Variants in RYR3 observed in about 807,000 individuals in gnomAD.
RYR3 encodes brain ryanodine receptor-calcium release channel.
RYR3 carries 207 observed loss-of-function variants against 584.3 expected under a neutral mutation model. That is an observed-to-expected ratio of 0.35 (90% CI 0.32 to 0.40). The LOEUF (loss-of-function observed/expected upper bound fraction) is 0.40. RYR3 is among the 10% of genes least tolerant of loss of function. The pLI, the probability that RYR3 is intolerant of heterozygous loss-of-function variation, is 1.00. For synonymous variants in RYR3, 2,416 were observed against 2,248.5 expected (o/e 1.07, Z -2.11); for missense variants, 5,616 against 6,089.2 (o/e 0.92, Z 2.59).
chr15:33,571,892 T>G (rs975956943), intron 12 of RYR3, among the ~76,000 whole-genome samples: 3 of 152,132 alleles, frequency 2.0e-5, no homozygotes, highest in African/African-American at 7.2e-5. Context: ...CCTTACTACC[T>G]TTTTTTGTGT....
intron 3 of RYR3, among the ~76,000 whole-genome samples, chr15:33,505,648 T>C (rs989921908): frequency 2.6e-5 from 4 of 152,108 alleles, no homozygotes; most frequent in Non-Finnish European, 5.9e-5. Context: ...CCCGCCACCA[T>C]GCCCGGCTAA....
Position 33,314,930 on chromosome 15 carries a change from A to AAC in RYR3, c.51+3835_51+3836insCA, listed in dbSNP as rs199898593. 2.5e-3 allele frequency among the ~76,000 whole-genome samples: 199 copies of AAC among 78,652 alleles called. 2 individuals carry two copies. Among genetic ancestry groups the AAC allele is most frequent in the African/African-American group, 0.01 (196 of 19,474 alleles). 51.6% of individuals were successfully genotyped at this position (78,652 alleles called of 152,430 possible). On this transcript the variant is annotated intron_variant, in intron 1 of 103. Coordinates refer to ENST00000634891, the MANE Select transcript of RYR3 (RefSeq NM_001036.6). Reference sequence around the variant, plus strand: ...CTCAGTCTCAAAGAAAACAAACAACAAAAAAAAAAACCAAAAAAAAACAAC... The same window carrying AAC: ...CTCAGTCTCAAAGAAAACAAACAACAACAAAAAAAAAACCAAAAAAAAACAAC...
At chr15:33,503,568 T>C (rs1030222580) in intron 2 of RYR3, 63 bp from the exon 3 acceptor site, 4 of 949,434 alleles carry the variant, frequency 4.2e-6, no homozygotes, top group Middle Eastern at 2.1e-4. Context: ...CTTGAGATGT[T>C]GTTGCGTGAC....
intron 31 of RYR3, among the ~76,000 whole-genome samples, chr15:33,652,327 T>C (rs1031952522): frequency 6.6e-6 from 1 of 152,164 alleles, no homozygotes; most frequent in Admixed American, 6.5e-5. Flanking sequence ...TTTTTCTGCC[T>C]CTTATTCCAA....
chr15:33,530,220 C>T (rs181792278), intron 3 of RYR3, among the ~76,000 whole-genome samples: 56 of 152,336 alleles, frequency 3.7e-4, no homozygotes, highest in African/African-American at 1.0e-3. Flanking sequence ...TGTTGCTAGG[C>T]TATGGCTACA....
Position 33,821,335 on chromosome 15 carries a change from A to G in RYR3, c.10881A>G (p.Ala3627=), listed in dbSNP as rs2288614. The change falls in exon 79 of 104, where the codon GCA becomes GCG. Residue 3627 remains alanine, a synonymous_variant. Coordinates refer to ENST00000634891, the MANE Select transcript of RYR3 (RefSeq NM_001036.6). ...CTCGGCTGCATGAGCGTGGTGCTGC[A>G]GAGATGGTCCTTCAGATGATAAGCG... ...QQARLHERGA[A]EMVLQMISAS... The G allele has an allele frequency of 0.65, 1,041,236 of 1,602,220 alleles. 341,310 individuals carry two copies. Among genetic ancestry groups the G allele is most frequent in the African/African-American group, 0.81 (60,830 of 74,738 alleles).
At chr15:33,777,518 A>C (rs2074073167) in intron 64 of RYR3, among the ~76,000 whole-genome samples, 1 of 152,110 alleles carries the variant, frequency 6.6e-6, no homozygotes, top group Admixed American at 6.5e-5. Context: ...AGCTAGGCCA[A>C]GAGAGCTGTT....
At chr15:33,728,796 G>C in intron 46 of RYR3, 61 bp from the exon 47 acceptor site, 1 of 1,502,492 alleles carries the variant, frequency 6.7e-7, no homozygotes, top group Non-Finnish European at 9.0e-7. Context: ...CAAGCTCTGT[G>C]TTATCTTTTG....
At chr15:33,709,749 G>A (rs938625441) in intron 43 of RYR3, among the ~76,000 whole-genome samples, 3 of 152,148 alleles carry the variant, frequency 2.0e-5, no homozygotes, top group Admixed American at 2.0e-4. Flanking sequence ...CCTCTATATT[G>A]TATAAATTAC....
At position 33,606,753 on chromosome 15, in the gene RYR3, A is replaced by G. The variant is rs146002833; in HGVS notation, c.2164+3389A>G. Reference sequence around the variant, plus strand: ...TAGCAGTTGGGAGTGAATTCTGCTCAGAGCAGCCTACACAGTATGTTACTG... The same window carrying G: ...TAGCAGTTGGGAGTGAATTCTGCTCGGAGCAGCCTACACAGTATGTTACTG... On this transcript the variant is annotated intron_variant, in intron 18 of 103. Coordinates refer to ENST00000634891, the MANE Select transcript of RYR3 (RefSeq NM_001036.6). Among the ~76,000 whole-genome samples the G allele has an allele frequency of 3.6e-3, 544 of 152,288 alleles. 2 individuals are homozygous for G. Among genetic ancestry groups the G allele is most frequent in the Middle Eastern group, 0.01 (3 of 294 alleles).
intron 75 of RYR3, among the ~76,000 whole-genome samples, chr15:33,817,906 A>G (rs1177446367): frequency 6.6e-6 from 1 of 152,216 alleles, no homozygotes; most frequent in Non-Finnish European, 1.5e-5. Context: ...TGCCACTGCT[A>G]GAAAATTCAC....
chr15:33,768,441 G>T (rs2073286527), intron 60 of RYR3, among the ~76,000 whole-genome samples: 1 of 152,222 alleles, frequency 6.6e-6, no homozygotes, highest in Admixed American at 6.5e-5. Flanking sequence ...AGATGGAGCT[G>T]CCTGCAAGGT....
rs1971087065 is a variant in RYR3 at position 33,336,507 on chromosome 15, AGGGAAGGAGGGAAGGAGG to A, written c.51+25413_51+25430del. Among the ~76,000 whole-genome samples, 2 of 59,750 alleles carry A rather than the reference AGGGAAGGAGGGAAGGAGG, an allele frequency of 3.3e-5. 1 individual carries two copies. Among genetic ancestry groups the A allele is most frequent in the African/African-American group, 2.3e-4 (2 of 8,880 alleles). The allele number at this position is 59,750 out of a possible 152,430, so 39.2% of individuals were successfully genotyped here. ...GAGAGAAAGAAAGAAAGAAAGAAGG[AGGGAAGGAGGGAAGGAGG>A]GAAGGAGGGAAGGAGGGAAGGAGGG... is the stretch of plus-strand genomic sequence containing the variant. On this transcript the variant is annotated intron_variant, in intron 1 of 103. Coordinates refer to ENST00000634891, the MANE Select transcript of RYR3 (RefSeq NM_001036.6).
At chr15:33,599,648 C>T (rs2059566813) in intron 16 of RYR3, among the ~76,000 whole-genome samples, 1 of 152,138 alleles carries the variant, frequency 6.6e-6, no homozygotes, top group Non-Finnish European at 1.5e-5. Flanking sequence ...GAACGGGAGG[C>T]AGGTTTGTCC....
At position 33,311,750 on chromosome 15, in the gene RYR3, C is replaced by T. The variant is rs1043504441; in HGVS notation, c.51+654C>T. On this transcript the variant is annotated intron_variant, in intron 1 of 103. Transcript: ENST00000634891. This position sits in a 1 kb window ranked among gnomAD's most constrained non-coding sequence, Gnocchi z 4.4. ...GTGTTCGAGAGCTGTGGCTTCTGCT[C>T]CTGGCTCCCGCGAGCCCCGCAGGAC... Among the ~76,000 whole-genome samples, 34 of 152,352 alleles carry T rather than the reference C, an allele frequency of 2.2e-4. No individual in the cohort carries two copies. Among genetic ancestry groups the T allele is most frequent in the Admixed American group, 1.7e-3 (26 of 15,306 alleles).
At chr15:33,802,558 A>G (rs1050513630) in intron 69 of RYR3, among the ~76,000 whole-genome samples, 2 of 152,200 alleles carry the variant, frequency 1.3e-5, no homozygotes, top group Non-Finnish European at 2.9e-5. Flanking sequence ...ACTAACCTAT[A>G]GAGAGGAGCA....
rs561819386 is a variant in RYR3, at chr15:33,755,391, C to T, written c.8515+211C>T. 6.6e-4 allele frequency among the ~76,000 whole-genome samples: 100 copies of T among 152,100 alleles called. No homozygotes were observed. The highest frequency in any genetic ancestry group is 2.1e-3 in the African/African-American group (87 of 41,494). ...ATCCCAGCACTTTGGGAGGCCGAGG[C>T]GGGCGGATCATGAGGTCAAGAGATG... On this transcript the variant is annotated intron_variant, in intron 58 of 103. Transcript: ENST00000634891.
chr15:33,754,597 CT>C (rs1435066984), intron 57 of RYR3, among the ~76,000 whole-genome samples: 4 of 152,216 alleles, frequency 2.6e-5, no homozygotes, highest in Non-Finnish European at 4.4e-5. Flanking sequence ...ACACTACAGT[CT>C]GCAAACCCTG....
intron 45 of RYR3, among the ~76,000 whole-genome samples, chr15:33,725,971 C>T (rs376027535): frequency 1.0e-4 from 3 of 29,262 alleles, no homozygotes; most frequent in East Asian, 3.9e-3. Context: ...CTCCATCCCC[C>T]CCCCCAAAAA....
Sources: allele counts gnomAD v4.1 joint callset (sites outside exome capture counted in the v4.1 genomes callset), GRCh38; gene constraint gnomAD v4.1.1; non-coding constraint Gnocchi (gnomAD v3.1); transcripts MANE v1.5; gene names NCBI Gene and HGNC (gene_info 2026-07-23, HGNC 2026-07-21).